Variants in CTTNBP2 observed in about 807,000 individuals in gnomAD.
The protein encoded by CTTNBP2 is cortactin-binding protein 2.
A neutral mutation model predicts 156.9 loss-of-function variants in CTTNBP2; 108 were observed. The observed-to-expected ratio is 0.69, with a 90% confidence interval of 0.59 to 0.81. CTTNBP2 has a LOEUF of 0.81. Among genes scored for constraint, CTTNBP2 ranks in the 30% least tolerant of loss-of-function variants. CTTNBP2 has a pLI of 0.00. For synonymous variants in CTTNBP2, 767 were observed against 751.8 expected (o/e 1.02, Z -0.33); for missense variants, 1,924 against 2,035.4 (o/e 0.95, Z 1.05).
At chr7:117,785,533 T>G (rs2116825521) in intron 4 of CTTNBP2, among the ~76,000 whole-genome samples, 1 of 152,040 alleles carries the variant, frequency 6.6e-6, no homozygotes, top group East Asian at 1.9e-4. Flanking sequence ...ACAGACCAAT[T>G]AAGACTATTT....
chr7:117,754,472 T>C (rs1796782679), intron 12 of CTTNBP2, among the ~76,000 whole-genome samples: 1 of 152,230 alleles, frequency 6.6e-6, no homozygotes, highest in African/African-American at 2.4e-5. Context: ...TATCCTCAGT[T>C]TCTAAAACAC....
At chr7:117,782,007 G>A (rs1798461842) in intron 6 of CTTNBP2, among the ~76,000 whole-genome samples, 2 of 152,124 alleles carry the variant, frequency 1.3e-5, no homozygotes, top group African/African-American at 2.4e-5. Flanking sequence ...GCAGAAAAGT[G>A]AATCATGCTC....
rs78408899 is a variant in CTTNBP2, at chr7:117,847,263, T to C, written c.189+13946A>G. ...GAAATGCAGAAAACTAGGCCGGGTG[T>C]GGTAGCTCACGCCTGTAATCCCAGC... On this transcript the variant is annotated intron_variant, in intron 2 of 22. Transcript: ENST00000160373. Among the ~76,000 whole-genome samples the C allele has an allele frequency of 6.7e-3, 1,024 of 152,186 alleles. 8 individuals carry two copies. Among genetic ancestry groups the C allele is most frequent in the African/African-American group, 0.024 (993 of 41,530 alleles).
chr7:117,745,210 A>G (rs1459982761), intron 14 of CTTNBP2, among the ~76,000 whole-genome samples: 1 of 152,236 alleles, frequency 6.6e-6, no homozygotes, highest in Non-Finnish European at 1.5e-5. Context: ...CGGTGCTGCT[A>G]CTACCATAGC....
At chr7:117,774,657 G>A (rs1353786202) in intron 8 of CTTNBP2, among the ~76,000 whole-genome samples, 11 of 97,490 alleles carry the variant, frequency 1.1e-4, no homozygotes, top group South Asian at 3.7e-4. Flanking sequence ...TGTCTTCCAC[G>A]AAACTGGTCC....
chr7:117,734,562 G>A (rs1214728695), intron 16 of CTTNBP2, among the ~76,000 whole-genome samples: 2 of 152,222 alleles, frequency 1.3e-5, no homozygotes, highest in African/African-American at 2.4e-5. Flanking sequence ...CAGGCCTGTT[G>A]TAAAATGTGC....
intron 16 of CTTNBP2, among the ~76,000 whole-genome samples, chr7:117,734,475 T>C (rs1353043207): frequency 6.6e-6 from 1 of 152,238 alleles, no homozygotes; most frequent in Non-Finnish European, 1.5e-5. Flanking sequence ...AAAGTTATTA[T>C]TACTCTTGAA....
At chr7:117,712,646 A>AAAACT (rs1436509484) in intron 22 of CTTNBP2, among the ~76,000 whole-genome samples, 73 of 152,332 alleles carry the variant, frequency 4.8e-4, no homozygotes, top group African/African-American at 1.7e-3. Context: ...AATTTAAAAC[A>AAAACT]AAACTAAAAT....
intron 2 of CTTNBP2, among the ~76,000 whole-genome samples, chr7:117,823,521 T>G (rs1801098492): frequency 6.6e-6 from 1 of 152,236 alleles, no homozygotes; most frequent in Non-Finnish European, 1.5e-5. Context: ...TATTTTATCT[T>G]GAATAAAATT....
intron 3 of CTTNBP2, among the ~76,000 whole-genome samples, chr7:117,797,816 A>G (rs191748494): frequency 3.2e-4 from 49 of 152,308 alleles, no homozygotes; most frequent in Non-Finnish European, 4.4e-5. Context: ...CTAGGGCAAT[A>G]CAAACTGGTT....
chr7:117,725,026 T>C, intron 18 of CTTNBP2, 26 bp downstream of exon 18: 1 of 1,601,992 alleles, frequency 6.2e-7, no homozygotes, highest in South Asian at 1.1e-5. Context: ...GTGAATTTCC[T>C]CTCCTCTCTG....
At chr7:117,811,216 A>T (rs147212194) in intron 2 of CTTNBP2, among the ~76,000 whole-genome samples, 215 of 152,224 alleles carry the variant, frequency 1.4e-3, no homozygotes, top group Non-Finnish European at 2.1e-3. Flanking sequence ...TGAATTTTAC[A>T]TTACAAATGA....
intron 8 of CTTNBP2, among the ~76,000 whole-genome samples, chr7:117,774,571 T>C (rs936725226): frequency 3.9e-5 from 6 of 152,132 alleles, no homozygotes; most frequent in Admixed American, 1.3e-4. Context: ...AGATATAGGT[T>C]GCATGCTCCT....
At chr7:117,822,831 T>C (rs960073417) in intron 2 of CTTNBP2, among the ~76,000 whole-genome samples, 6 of 152,250 alleles carry the variant, frequency 3.9e-5, no homozygotes, top group African/African-American at 1.4e-4. Flanking sequence ...TTGGATCTCA[T>C]ACTCTAGAAA....
Position 117,735,117 on chromosome 7 carries a change from A to G in CTTNBP2, c.3689-17T>C. Reference sequence around the variant, plus strand: ...GTCCATTTCCTGAAACAAACCAAAAAGCAATGGCCCATCCTCAGTGAGTTA... The same window carrying G: ...GTCCATTTCCTGAAACAAACCAAAAGGCAATGGCCCATCCTCAGTGAGTTA... On this transcript the variant is annotated splice_polypyrimidine_tract_variant and intron_variant, in intron 15 of 22. Coordinates refer to ENST00000160373, the MANE Select transcript of CTTNBP2 (RefSeq NM_033427.3). The G allele has an allele frequency of 6.2e-7, 1 of 1,607,302 alleles. No homozygotes were observed. Among genetic ancestry groups the G allele is most frequent in the Non-Finnish European group, 8.5e-7 (1 of 1,175,640 alleles).
At chr7:117,759,181 T>G (rs1413248216) in intron 10 of CTTNBP2, among the ~76,000 whole-genome samples, 2 of 152,094 alleles carry the variant, frequency 1.3e-5, no homozygotes, top group Admixed American at 1.3e-4. Flanking sequence ...TCATCATAGC[T>G]CATTGCTGCC....
intron 14 of CTTNBP2, among the ~76,000 whole-genome samples, chr7:117,739,847 A>G (rs1471230777): frequency 1.3e-5 from 2 of 152,072 alleles, no homozygotes; most frequent in East Asian, 1.9e-4. Flanking sequence ...ATTTCTGGAG[A>G]CTCCAATTGT....
rs778280921 is a variant in CTTNBP2, at chr7:117,810,972, T to C, written c.207A>G (p.Val69=). 3.7e-6 allele frequency: 6 copies of C among 1,613,340 alleles called. No individual in the cohort carries two copies. Among genetic ancestry groups the C allele is most frequent in the Middle Eastern group, 1.7e-4 (1 of 5,944 alleles). ...ATCTCCCATACCGTTCCTGGATAAA[T>C]ACCTCCTTCCTGCGAGCCTGGAACA... ...IEALRARRKE[V]FIQERYGRFN... The change falls in exon 3 of 23, where the codon GTA becomes GTG. Residue 69 remains valine, a synonymous_variant. Coordinates refer to ENST00000160373, the MANE Select transcript of CTTNBP2 (RefSeq NM_033427.3).
intron 3 of CTTNBP2, among the ~76,000 whole-genome samples, chr7:117,794,100 T>C (rs1244004651): frequency 6.6e-6 from 1 of 152,228 alleles, no homozygotes; most frequent in Non-Finnish European, 1.5e-5. Context: ...ATAAATTGTA[T>C]ATTGAATGAA....
Sources: gnomAD v4.1 joint callset for allele counts (sites outside exome capture counted in the v4.1 genomes callset) on GRCh38, gnomAD v4.1.1 for gene constraint, MANE v1.5 for transcripts, NCBI Gene and HGNC (gene_info 2026-07-23, HGNC 2026-07-21) for gene names.